The following KRR1 variants were observed in gnomAD, a reference collection of about 807,000 sequenced individuals.
KRR1 encodes KRR1 small subunit processome component homolog.
A neutral mutation model predicts 50.0 loss-of-function variants in KRR1; 23 were observed. The observed-to-expected ratio is 0.46, with a 90% confidence interval of 0.33 to 0.65. KRR1 has a LOEUF of 0.65. Among genes scored for constraint, KRR1 ranks in the 30% least tolerant of loss-of-function variants. The pLI is 0.02. For missense variants in KRR1, 419 were observed against 442.4 expected, an observed-to-expected ratio of 0.95 and a Z score of 0.47; for synonymous variants, 133 against 146.3, an observed-to-expected ratio of 0.91 and a Z score of 0.66.
chr12:75,499,778 A>C lies in KRR1; in HGVS notation c.*31T>G. The C allele has an allele frequency of 1.3e-6, 2 of 1,537,034 alleles. No homozygotes were observed. The highest frequency in any genetic ancestry group is 1.8e-6 in the Non-Finnish European group (2 of 1,139,210). On this transcript the variant is annotated 3_prime_UTR_variant, in exon 10 of 10. Transcript: ENST00000229214. The stretch of plus-strand genomic sequence containing the variant: ...ATATCTCAAAATCCTTTACAAAAGG[A>C]GATAGTTCTAGTCAAGGAGTTTTGG...
intron 1 of KRR1, among the ~76,000 whole-genome samples, chr12:75,508,829 A>G (rs1218211121): frequency 1.3e-5 from 2 of 152,218 alleles, no homozygotes; most frequent in Non-Finnish European, 2.9e-5. Flanking sequence ...AGTATTTTAA[A>G]TACAATTAAC....
chr12:75,499,115 AAAG>A lies in KRR1; in HGVS notation c.*691_*693del, dbSNP rs2046372164. 2 of 507,932 alleles carry A rather than the reference AAAG, an allele frequency of 3.9e-6. No homozygotes were observed. Among genetic ancestry groups the A allele is most frequent in the South Asian group, 3.7e-5 (1 of 26,826 alleles). 31.5% of individuals were successfully genotyped at this position (507,932 alleles called of 1,614,324 possible). The stretch of plus-strand genomic sequence containing the variant: ...TATGTTATAGCAATACTCTTACTCA[AAAG>A]AAGAAATTTCCTAACTCTATCAGAT... On this transcript the variant is annotated 3_prime_UTR_variant, in exon 10 of 10. Coordinates refer to ENST00000229214, the MANE Select transcript of KRR1 (RefSeq NM_007043.7).
At position 75,503,991 on chromosome 12, in the gene KRR1, G is replaced by A; in HGVS notation, c.744C>T (p.His248=). The A allele has an allele frequency of 6.2e-7, 1 of 1,612,030 alleles. No individual in the cohort carries two copies. Among genetic ancestry groups the A allele is most frequent in the African/African-American group, 1.3e-5 (1 of 74,864 alleles). The change falls in exon 7 of 10, where the codon CAC becomes CAT. Residue 248 remains histidine, a synonymous_variant. Coordinates refer to ENST00000229214, the MANE Select transcript of KRR1 (RefSeq NM_007043.7). Reference sequence around the variant, plus strand: ...GTTCCTTGCGTTTATTCACATTTTTGTGTTTGAACTGTGGCAAAAATCTCT... The same window carrying A: ...GTTCCTTGCGTTTATTCACATTTTTATGTTTGAACTGTGGCAAAAATCTCT... ...SWERFLPQFK[H]KNVNKRKEPK...
chr12:75,506,481 T>C lies in KRR1; in HGVS notation c.519+3A>G, dbSNP rs375734073. ...CTCAAGTTTTCCACTAATTAAAAAATACCTTCAATGTAGATCCTTTGGGAC... is the reference window on the plus strand; with the variant it reads ...CTCAAGTTTTCCACTAATTAAAAAACACCTTCAATGTAGATCCTTTGGGAC... On this transcript the variant is annotated splice_donor_region_variant and intron_variant, in intron 4 of 9. Transcript: ENST00000229214. The C allele has an allele frequency of 3.7e-6, 6 of 1,605,996 alleles. No homozygotes were observed. In the African/African-American group the frequency reaches 8.0e-5, roughly 22 times the overall value.
chr12:75,495,720 A>G lies in KRR1; in HGVS notation c.*4089T>C. ...ACATAATAGTAACATGTAACTTTCT[A>G]CAGAATTAACAATGAAACCATGTTT... On this transcript the variant is annotated 3_prime_UTR_variant, in exon 10 of 10. Transcript: ENST00000229214. 1 of 980,982 alleles carries G rather than the reference A, an allele frequency of 1.0e-6. No homozygotes were observed. Among genetic ancestry groups the G allele is most frequent in the South Asian group, 1.4e-5 (1 of 69,512 alleles). The allele number at this position is 980,982 out of a possible 1,614,324, so 60.8% of individuals were successfully genotyped here.
Position 75,501,768 on chromosome 12 carries a change from C to T in KRR1, c.958G>A (p.Ala320Thr), listed in dbSNP as rs1462223482. The T allele has an allele frequency of 1.2e-6, 2 of 1,610,994 alleles. No individual in the cohort carries two copies. The highest frequency in any genetic ancestry group is 1.7e-6 in the Non-Finnish European group (2 of 1,178,394). ...GGTTTTTCCTTAGGTGGAATAAATG[C>T]TTTGTTTCTTTCCTCTTGTCTCTTA... Reference protein sequence around the residue: ...ISKRQEERNKAFIPPKEKPIV... With the variant: ...ISKRQEERNKTFIPPKEKPIV... Residue 320 changes from alanine (A) to threonine (T), a missense_variant, in exon 9 of 10, where the codon GCA becomes ACA. By Grantham distance (58) the Ala-to-Thr change is moderately conservative. Coordinates refer to ENST00000229214, the MANE Select transcript of KRR1 (RefSeq NM_007043.7).
intron 1 of KRR1, among the ~76,000 whole-genome samples, chr12:75,509,506 T>C (rs1441876541): frequency 1.3e-5 from 2 of 152,112 alleles, no homozygotes; most frequent in African/African-American, 4.8e-5. Context: ...AATTGGCTAG[T>C]CTTCATATAA....
chr12:75,506,664 A>G, intron 3 of KRR1, 55 bp from the exon 4 acceptor site: 1 of 1,547,942 alleles, frequency 6.5e-7, no homozygotes, highest in Non-Finnish European at 8.6e-7. Context: ...TTACAATTAC[A>G]TTCATTTTCC....
rs2046371583 is a variant in KRR1 at position 75,499,049 on chromosome 12, A to C, written c.*760T>G. 2 of 946,250 alleles carry C rather than the reference A, an allele frequency of 2.1e-6. No homozygotes were observed. The highest frequency in any genetic ancestry group is 5.1e-5 in the East Asian group (2 of 39,244). 58.6% of individuals were successfully genotyped at this position (946,250 alleles called of 1,614,324 possible). A position where few individuals can be genotyped will look rare whatever the true frequency, so the allele number is the denominator to read the frequency against. ...ATGGCTTTTTTTTTAACCAATAACA[A>C]TTAGGTGTACTTCTATTTTAAAACA... On this transcript the variant is annotated 3_prime_UTR_variant, in exon 10 of 10. Coordinates refer to ENST00000229214, the MANE Select transcript of KRR1 (RefSeq NM_007043.7).
chr12:75,504,359 A>G (rs1209039407), intron 6 of KRR1: 1 of 203,402 alleles, frequency 4.9e-6, no homozygotes, highest in Non-Finnish European at 9.9e-6. Flanking sequence ...AATGCCACTT[A>G]TAAAAGCAGG....
In KRR1 at chr12:75,496,543, C is replaced by G. The variant is rs1220303044; in HGVS notation, c.*3266G>C. 2 of 150,710 alleles carry G rather than the reference C, an allele frequency of 1.3e-5. No homozygotes were observed. Among genetic ancestry groups the G allele is most frequent in the Non-Finnish European group, 3.0e-5 (2 of 67,564 alleles). 9.3% of individuals were successfully genotyped at this position (150,710 alleles called of 1,614,324 possible). A position where few individuals can be genotyped will look rare whatever the true frequency, so the allele number is the denominator to read the frequency against. On this transcript the variant is annotated 3_prime_UTR_variant, in exon 10 of 10. Coordinates refer to ENST00000229214, the MANE Select transcript of KRR1 (RefSeq NM_007043.7). ...CAAGAGTTTATTTCTTGTTCTTGTT[C>G]TAGACACAAACCCTTCCATCCCAGT...
chr12:75,504,176 G>T (rs571236018), intron 6 of KRR1, 102 bp from the exon 7 acceptor site: 1 of 746,554 alleles, frequency 1.3e-6, no homozygotes, highest in African/African-American at 1.8e-5. Flanking sequence ...AAAAGAAACA[G>T]TTCCTAGTTT....
At chr12:75,509,759 A>ATTT (rs141358671) in intron 1 of KRR1, among the ~76,000 whole-genome samples, 2 of 140,226 alleles carry the variant, frequency 1.4e-5, no homozygotes, top group Non-Finnish European at 3.1e-5. Flanking sequence ...TGTCCGGCTA[A>ATTT]TTTTTTTTTT....
Position 75,498,448 on chromosome 12 carries a change from C to T in KRR1, c.*1361G>A. ...AGGTATGATGTGTAAAATGATTTTCCATTTATAGTAATGGTATAGTTTCCT... is the reference window on the plus strand; with the variant it reads ...AGGTATGATGTGTAAAATGATTTTCTATTTATAGTAATGGTATAGTTTCCT... On this transcript the variant is annotated 3_prime_UTR_variant, in exon 10 of 10. Transcript: ENST00000229214. 22 of 361,928 alleles carry T rather than the reference C, an allele frequency of 6.1e-5. No homozygotes were observed. The highest frequency in any genetic ancestry group is 2.5e-4 in the South Asian group (3 of 11,866). The allele number at this position is 361,928 out of a possible 1,614,324, so 22.4% of individuals were successfully genotyped here. A position where few individuals can be genotyped will look rare whatever the true frequency, so the allele number is the denominator to read the frequency against.
In KRR1 at chr12:75,499,753, A is replaced by G. The variant is rs1404456326; in HGVS notation, c.*56T>C. 4 of 1,379,970 alleles carry G rather than the reference A, an allele frequency of 2.9e-6. No homozygotes were observed. The highest frequency in any genetic ancestry group is 2.5e-5 in the East Asian group (1 of 40,192). The allele number at this position is 1,379,970 out of a possible 1,614,324, so 85.5% of individuals were successfully genotyped here. A position where few individuals can be genotyped will look rare whatever the true frequency, so the allele number is the denominator to read the frequency against. The stretch of plus-strand genomic sequence containing the variant: ...TCACAAATAAGGCAACTAATGCCTG[A>G]TATCTCAAAATCCTTTACAAAAGGA... On this transcript the variant is annotated 3_prime_UTR_variant, in exon 10 of 10. Transcript: ENST00000229214.
chr12:75,510,959 G>C (rs76417934), intron 1 of KRR1, among the ~76,000 whole-genome samples: 1 of 152,142 alleles, frequency 6.6e-6, no homozygotes, highest in African/African-American at 2.4e-5. Flanking sequence ...CTACAACGCA[G>C]GAGTTAACAA....
intron 7 of KRR1, chr12:75,502,441 T>C (rs2046400519): frequency 6.5e-6 from 1 of 154,234 alleles, no homozygotes; most frequent in Non-Finnish European, 1.4e-5. Flanking sequence ...GGTAGTGGCA[T>C]GCAGAATAAA....
At chr12:75,506,962 T>A in intron 2 of KRR1, 46 bp from the exon 3 acceptor site, 1 of 1,523,452 alleles carries the variant, frequency 6.6e-7, no homozygotes, top group Non-Finnish European at 8.8e-7. Flanking sequence ...AAATGAGTTT[T>A]TTTAGATAAT....
Position 75,495,787 on chromosome 12 carries a change from A to T in KRR1, c.*4022T>A. ...TTCAAGGAAACTGGCATCAAGTAGC[A>T]ATTAAACCAATGGCTTACTGTTCTA... On this transcript the variant is annotated 3_prime_UTR_variant, in exon 10 of 10. Transcript: ENST00000229214. 1.7e-6 allele frequency: 1 copy of T among 585,756 alleles called. No homozygotes were observed. Among genetic ancestry groups the T allele is most frequent in the Non-Finnish European group, 3.2e-6 (1 of 316,808 alleles). 36.3% of individuals were successfully genotyped at this position (585,756 alleles called of 1,614,324 possible). A position where few individuals can be genotyped will look rare whatever the true frequency, so the allele number is the denominator to read the frequency against.
Sources: gnomAD v4.1 joint callset for allele counts (sites outside exome capture counted in the v4.1 genomes callset) on GRCh38, gnomAD v4.1.1 for gene constraint, MANE v1.5 for transcripts, NCBI Gene and HGNC (gene_info 2026-07-23, HGNC 2026-07-21) for gene names.